The following EYS variants were observed in gnomAD, a reference collection of about 807,000 sequenced individuals.
EYS encodes EGF-like photoreceptor maintenance factor, also known as protein eyes shut homolog.
A neutral mutation model predicts 282.1 loss-of-function variants in EYS; 250 were observed. The ratio of observed to expected loss-of-function variants is 0.89; its 90% CI spans 0.80 to 0.98. EYS has a LOEUF of 0.98. EYS is among the 50% of genes least tolerant of loss of function. EYS has a pLI of 0.00. For synonymous variants in EYS, 1,355 were observed against 1,282.9 expected (o/e 1.06, Z -1.20); for missense variants, 4,016 against 3,709.0 (o/e 1.08, Z -2.15).
chr6:64,350,803 T>C (rs931874209), intron 29 of EYS, among the ~76,000 whole-genome samples: 1 of 151,576 alleles, frequency 6.6e-6, no homozygotes, highest in African/African-American at 2.4e-5. Flanking sequence ...TGAATTGTAA[T>C]CCAAATTGTA....
chr6:64,649,674 C>A (rs1262613722), intron 22 of EYS, among the ~76,000 whole-genome samples: 2 of 152,148 alleles, frequency 1.3e-5, no homozygotes, highest in African/African-American at 4.8e-5. Context: ...AATTGCTTCT[C>A]ATTTTTGTTT....
Position 65,384,491 on chromosome 6 carries a change from T to C in EYS, c.1194A>G (p.Ser398=). The C allele has an allele frequency of 6.5e-7, 1 of 1,547,914 alleles. No individual in the cohort carries two copies. The highest frequency in any genetic ancestry group is 8.9e-7 in the Non-Finnish European group (1 of 1,122,444). ...CEKDYPCSCI[S]GFTEKNCEKA... is the part of the protein sequence containing the mutation. ...TCTCACAGTTTTTTTCAGTAAATCC[T>C]GATATACAGCTGTAAATACATCAGT... is the stretch of plus-strand genomic sequence containing the variant. Residue 398 remains serine, a synonymous_variant, in exon 8 of 43, where the codon TCA becomes TCG. Coordinates refer to ENST00000503581, the MANE Select transcript of EYS (RefSeq NM_001142800.2).
At chr6:64,200,051 A>G (rs1446051703) in intron 31 of EYS, among the ~76,000 whole-genome samples, 1 of 152,174 alleles carries the variant, frequency 6.6e-6, no homozygotes, top group African/African-American at 2.4e-5. Flanking sequence ...GTAAATATAT[A>G]TTGTTAATTG....
intron 32 of EYS, among the ~76,000 whole-genome samples, chr6:64,069,023 G>A (rs944950772): frequency 6.6e-6 from 1 of 151,996 alleles, no homozygotes; most frequent in Non-Finnish European, 1.5e-5. Flanking sequence ...TGTGACTACA[G>A]AAACAGAGAC....
chr6:65,153,823 G>C (rs1303279586), intron 12 of EYS, among the ~76,000 whole-genome samples: 5 of 151,772 alleles, frequency 3.3e-5, no homozygotes, highest in Admixed American at 1.3e-4. Context: ...GGCATGATTT[G>C]TTGCACTCTC....
chr6:65,421,967 T>A (rs1045510773), intron 5 of EYS, among the ~76,000 whole-genome samples: 4 of 151,858 alleles, frequency 2.6e-5, no homozygotes, highest in African/African-American at 9.7e-5. Flanking sequence ...ATAAAAAAGT[T>A]TGAAATATTG....
chr6:65,457,293 T>C (rs1188144822), intron 5 of EYS, among the ~76,000 whole-genome samples: 1 of 152,134 alleles, frequency 6.6e-6, no homozygotes, highest in African/African-American at 2.4e-5. Context: ...GACTCCTATG[T>C]TTCTGTGACC....
intron 26 of EYS, among the ~76,000 whole-genome samples, chr6:64,446,748 G>A (rs1022774916): frequency 6.6e-6 from 1 of 151,976 alleles, no homozygotes; most frequent in South Asian, 2.1e-4. Context: ...TAGTGATCAG[G>A]TAGCTTAAGT....
At chr6:63,741,131 C>G (rs1018470141) in intron 41 of EYS, among the ~76,000 whole-genome samples, 4 of 152,138 alleles carry the variant, frequency 2.6e-5, no homozygotes, top group African/African-American at 7.2e-5. Context: ...GTTTCAGAAG[C>G]GTTAGTGGTT....
At chr6:64,947,750 G>T (rs1260430188) in intron 14 of EYS, among the ~76,000 whole-genome samples, 1 of 149,020 alleles carries the variant, frequency 6.7e-6, no homozygotes, top group Non-Finnish European at 1.5e-5. Context: ...TAAAATGAAA[G>T]CAATTCCACA....
intron 33 of EYS, among the ~76,000 whole-genome samples, chr6:64,009,248 G>A (rs9362372): frequency 0.25 from 37,033 of 150,892 alleles, 5,096 homozygotes; most frequent in Middle Eastern, 0.33. Context: ...CCTCCGCTTG[G>A]TCAATTCTGC....
intron 31 of EYS, among the ~76,000 whole-genome samples, chr6:64,130,228 C>T (rs531776074): frequency 1.2e-4 from 19 of 152,294 alleles, no homozygotes; most frequent in African/African-American, 4.6e-4. Context: ...TTGGAACCAA[C>T]CCAAATGTCC....
intron 22 of EYS, among the ~76,000 whole-genome samples, chr6:64,804,378 C>A (rs1025992952): frequency 5.3e-5 from 8 of 152,134 alleles, no homozygotes; most frequent in Non-Finnish European, 7.4e-5. Context: ...TGACATATAA[C>A]AATTCACTTT....
intron 31 of EYS, among the ~76,000 whole-genome samples, chr6:64,148,745 T>C (rs114814821): frequency 0.019 from 2,852 of 152,238 alleles, 77 homozygotes; most frequent in African/African-American, 0.064. Context: ...GAAAAAATTA[T>C]AGCAGTAAAA....
intron 15 of EYS, among the ~76,000 whole-genome samples, chr6:64,929,071 T>C (rs1474225249): frequency 1.3e-5 from 2 of 152,148 alleles, no homozygotes; most frequent in Non-Finnish European, 2.9e-5. Context: ...GTGGCCTTTT[T>C]TGAAAATAGA....
At chr6:65,445,544 T>A (rs1768621351) in intron 5 of EYS, among the ~76,000 whole-genome samples, 1 of 151,762 alleles carries the variant, frequency 6.6e-6, no homozygotes, top group African/African-American at 2.4e-5. Flanking sequence ...CTCCTTCATG[T>A]GATTTTAGGT....
intron 29 of EYS, among the ~76,000 whole-genome samples, chr6:64,359,486 G>A (rs538806813): frequency 1.6e-4 from 24 of 151,700 alleles, no homozygotes; most frequent in African/African-American, 4.6e-4. Flanking sequence ...AAATACATTC[G>A]TACTTTACAA....
At chr6:65,022,618 A>G (rs529022796) in intron 13 of EYS, among the ~76,000 whole-genome samples, 1 of 151,750 alleles carries the variant, frequency 6.6e-6, no homozygotes, top group African/African-American at 2.4e-5. Flanking sequence ...GGAAATAAAG[A>G]GCATTGATAA....
chr6:65,413,558 G>T (rs1227313706), intron 5 of EYS, among the ~76,000 whole-genome samples: 1 of 151,960 alleles, frequency 6.6e-6, no homozygotes, highest in Non-Finnish European at 1.5e-5. Context: ...CCTGTGGATA[G>T]GTTGTTTAAG....
Sources: gnomAD v4.1 joint callset for allele counts (sites outside exome capture counted in the v4.1 genomes callset) on GRCh38, gnomAD v4.1.1 for gene constraint, MANE v1.5 for transcripts, NCBI Gene and HGNC (gene_info 2026-07-23, HGNC 2026-07-21) for gene names.